Variants in CHAF1A observed in about 807,000 individuals in gnomAD.
CHAF1A encodes chromatin assembly factor 1 subunit A.
A neutral mutation model predicts 93.2 loss-of-function variants in CHAF1A; 5 were observed. The ratio of observed to expected loss-of-function variants is 0.05; its 90% CI spans 0.03 to 0.11. The LOEUF is 0.11. Among genes scored for constraint, CHAF1A ranks in the 10% least tolerant of loss-of-function variants. The pLI is 1.00. For synonymous variants in CHAF1A, 504 were observed against 510.3 expected (o/e 0.99, Z 0.17); for missense variants, 1,102 against 1,259.9 (o/e 0.87, Z 1.90).
chr19:4,431,354 C>T (rs983591684), intron 11 of CHAF1A, among the ~76,000 whole-genome samples: 6 of 152,100 alleles, frequency 3.9e-5, no homozygotes, highest in African/African-American at 1.2e-4. Flanking sequence ...GTCTTGAACT[C>T]CTGACCTCCA....
chr19:4,411,810 G>C (rs1196314569), intron 3 of CHAF1A, among the ~76,000 whole-genome samples: 1 of 151,514 alleles, frequency 6.6e-6, no homozygotes. Flanking sequence ...ACCACGCCTG[G>C]CTAATTTTTG....
intron 3 of CHAF1A, 61 bp downstream of exon 3, chr19:4,409,820 T>C: frequency 6.5e-7 from 1 of 1,532,962 alleles, no homozygotes; most frequent in Non-Finnish European, 8.8e-7. Context: ...GCGCTGTCAG[T>C]CTCCACTGGG....
At chr19:4,407,742 GT>G (rs1050650434) in intron 2 of CHAF1A, among the ~76,000 whole-genome samples, 3 of 152,228 alleles carry the variant, frequency 2.0e-5, no homozygotes, top group African/African-American at 7.2e-5. Context: ...GAGGTCAGGA[GT>G]TTGAGACCAG....
chr19:4,430,576 G>A lies in CHAF1A; in HGVS notation c.1882G>A (p.Glu628Lys). The change falls in exon 11 of 15, where the codon GAA becomes AAA. Residue 628 changes from glutamate (E) to lysine (K), a missense_variant. Glu to Lys is a moderately conservative substitution (Grantham distance 56, BLOSUM62 1). Around this residue, in one of 6 missense-constraint regions of CHAF1A, gnomAD observed 335 missense variants for 361.9 expected, o/e 0.93. Transcript: ENST00000301280. ...TGATGATGACGACATGGGAGAGGAT[G>A]AAGATGAGGACGATGGTTTCTTTGT... Reference protein sequence around the residue: ...GDDDDDMGEDEDEDDGFFVPH... With the variant: ...GDDDDDMGEDKDEDDGFFVPH... 1 of 1,610,902 alleles carries A rather than the reference G, an allele frequency of 6.2e-7. No homozygotes were observed.
chr19:4,447,938 G>A, downstream of CHAF1A: 1 of 496,742 alleles, frequency 2.0e-6, no homozygotes, highest in South Asian at 2.2e-5. Flanking sequence ...AGAGCTGAAG[G>A]GCCGCAGTGC....
chr19:4,429,245 G>T (rs1018109505), intron 8 of CHAF1A, 193 bp from the exon 9 acceptor site: 10 of 659,688 alleles, frequency 1.5e-5, no homozygotes, highest in Non-Finnish European at 2.6e-5. Flanking sequence ...CTCTCACCCT[G>T]CAGGCTGCAC....
intron 7 of CHAF1A, among the ~76,000 whole-genome samples, chr19:4,424,556 C>T (rs1456910919): frequency 1.3e-5 from 2 of 152,196 alleles, no homozygotes; most frequent in Non-Finnish European, 2.9e-5. Flanking sequence ...CTTGACCTCT[C>T]AGGGTCTGGT....
chr19:4,417,924 C>T (rs1345116399), intron 3 of CHAF1A, 96 bp from the exon 4 acceptor site: 2 of 783,332 alleles, frequency 2.6e-6, no homozygotes, highest in African/African-American at 1.8e-5. Context: ...CATTTTGGTT[C>T]TGTTGGTGGA....
Position 4,439,288 on chromosome 19 carries a change from AAAAAAAAAGAC to A in CHAF1A, c.2674-2951_2674-2941del, listed in dbSNP as rs1261545177. Among the ~76,000 whole-genome samples, 6 of 151,978 alleles carry A rather than the reference AAAAAAAAAGAC, an allele frequency of 3.9e-5. 1 individual carries two copies. The East Asian group carries it at 1.2e-3, about 29-fold the overall frequency. On this transcript the variant is annotated intron_variant, in intron 13 of 14. Transcript: ENST00000301280. ...AGAGCAAGTCTGCGTCTCAGAAAAA[AAAAAAAAAGAC>A]AAAAAGGCACAAATGTTAGTGACAC... is the stretch of plus-strand genomic sequence containing the variant.
chr19:4,448,558 A>AAG, downstream of CHAF1A: 1 of 698,750 alleles, frequency 1.4e-6, no homozygotes, highest in Non-Finnish European at 2.4e-6. Flanking sequence ...CAGAAAGGAA[A>AAG]AGAGAGACCC....
intron 6 of CHAF1A, 123 bp downstream of exon 6, chr19:4,423,518 G>T: frequency 1.3e-6 from 2 of 1,510,958 alleles, no homozygotes; most frequent in Non-Finnish European, 1.8e-6. Flanking sequence ...AATGGCGCCC[G>T]CAGGGAGGGC....
In CHAF1A at chr19:4,443,102, G is replaced by A. The variant is rs1441061248; in HGVS notation, c.*77G>A. 1 of 951,592 alleles carries A rather than the reference G, an allele frequency of 1.1e-6. No individual in the cohort carries two copies. 58.9% of individuals were successfully genotyped at this position (951,592 alleles called of 1,614,324 possible). The stretch of plus-strand genomic sequence containing the variant: ...ATACTTGAACCGACTCAATTCCTGT[G>A]TAAAGAGCACTTTGTCCTGCTTCAC... On this transcript the variant is annotated 3_prime_UTR_variant, in exon 15 of 15. Transcript: ENST00000301280.
rs534916195 is a variant in CHAF1A, at chr19:4,415,914, C to T, written c.961-2106C>T. The stretch of plus-strand genomic sequence containing the variant: ...GTTGGCCGGGCGCGGTGGCTCACGC[C>T]TTTAATCCCAGCACTTTGGGAGGCC... On this transcript the variant is annotated intron_variant, in intron 3 of 14. Transcript: ENST00000301280. Among the ~76,000 whole-genome samples, 3 of 152,266 alleles carry T rather than the reference C, an allele frequency of 2.0e-5. No individual in the cohort carries two copies. In the South Asian group the frequency reaches 6.2e-4, roughly 32 times the overall value.
At chr19:4,417,549 C>T (rs1401280482) in intron 3 of CHAF1A, among the ~76,000 whole-genome samples, 2 of 146,848 alleles carry the variant, frequency 1.4e-5, no homozygotes, top group Non-Finnish European at 3.0e-5. Flanking sequence ...CAACCTCCTT[C>T]TCCTGGGTTC....
Position 4,442,479 on chromosome 19 carries a change from G to A in CHAF1A, c.2770+138G>A, listed in dbSNP as rs1599667619. 44 of 730,946 alleles carry A rather than the reference G, an allele frequency of 6.0e-5. 1 individual carries two copies. In the South Asian group the frequency reaches 7.1e-4, roughly 12 times the overall value. The allele number at this position is 730,946 out of a possible 1,614,324, so 45.3% of individuals were successfully genotyped here. On this transcript the variant is annotated intron_variant, in intron 14 of 14. Transcript: ENST00000301280. ...GGGCTTGCAGCTGGAAGTGGCTCCT[G>A]CCCTGCCACATCCTCGGGCGGGCTG...
At chr19:4,419,499 G>A (rs544648798) in intron 4 of CHAF1A, among the ~76,000 whole-genome samples, 97 of 151,980 alleles carry the variant, frequency 6.4e-4, no homozygotes, top group African/African-American at 2.2e-3. Flanking sequence ...GTGCAATCTC[G>A]GCTCACTGCA....
intron 2 of CHAF1A, among the ~76,000 whole-genome samples, chr19:4,406,375 C>T (rs909102809): frequency 2.0e-5 from 3 of 152,094 alleles, no homozygotes; most frequent in African/African-American, 7.2e-5. Context: ...CTCCCAAATC[C>T]TTCTGCATAA....
chr19:4,432,948 C>T, intron 12 of CHAF1A, 122 bp from the exon 13 acceptor site: 1 of 748,970 alleles, frequency 1.3e-6, no homozygotes, highest in Non-Finnish European at 2.1e-6. Context: ...GGCCACCTAT[C>T]CCCGAAGCTG....
chr19:4,446,235 GC>G, downstream of CHAF1A: 1 of 1,576,640 alleles, frequency 6.3e-7, no homozygotes, highest in Non-Finnish European at 8.6e-7. Flanking sequence ...GGGGCCCAGG[GC>G]CCCCTACCAA....
Sources: allele counts gnomAD v4.1 joint callset (sites outside exome capture counted in the v4.1 genomes callset), GRCh38; gene constraint gnomAD v4.1.1; regional missense constraint gnomAD v4.1.1; transcripts MANE v1.5; gene names NCBI Gene and HGNC (gene_info 2026-07-23, HGNC 2026-07-21).